BRSK2: variants seen among roughly 807,000 people sequenced by gnomAD.
BRSK2 encodes BR serine/threonine kinase 2.
Under a neutral mutation model 83.3 loss-of-function variants are expected in BRSK2, and 19 were observed. That is an observed-to-expected ratio of 0.23 (90% CI 0.16 to 0.33). BRSK2 has a LOEUF of 0.33. Ranked by LOEUF, BRSK2 falls within the 10% of genes least tolerant of loss-of-function variation. The pLI, the probability that BRSK2 is intolerant of heterozygous loss-of-function variation, is 1.00. For synonymous variants in BRSK2, 519 were observed against 435.4 expected, an observed-to-expected ratio of 1.19 and a Z score of -2.39; for missense variants, 798 against 1,042.3, an observed-to-expected ratio of 0.77 and a Z score of 3.23.
chr11:1,460,376 G>T, intron 19 of BRSK2, 124 bp from the exon 20 acceptor site: 1 of 1,096,882 alleles, frequency 9.1e-7, no homozygotes, highest in Non-Finnish European at 1.2e-6. Flanking sequence ...CCCTCGTCGA[G>T]GCCTCTTCGT....
chr11:1,392,062 C>T (rs965300147), intron 1 of BRSK2, among the ~76,000 whole-genome samples: 7 of 152,298 alleles, frequency 4.6e-5, no homozygotes, highest in African/African-American at 9.6e-5. Context: ...CGAGTTATGA[C>T]GGGCAGAGCG....
chr11:1,451,347 CTCCTGTTCA>C lies in BRSK2; in HGVS notation c.1496-17_1496-9del, dbSNP rs768054284. On this transcript the variant is annotated splice_polypyrimidine_tract_variant and intron_variant, in intron 14 of 19. Transcript: ENST00000528841. The stretch of plus-strand genomic sequence containing the variant: ...GGATGGAGCGGTCACCACGCCTTTC[CTCCTGTTCA>C]TCCTGTGTGCACAGTTCCGACGCCG... 6.2e-7 allele frequency: 1 copy of C among 1,612,808 alleles called. No homozygotes were observed. The highest frequency in any genetic ancestry group is 8.5e-7 in the Non-Finnish European group (1 of 1,179,792).
intron 8 of BRSK2, among the ~76,000 whole-genome samples, chr11:1,444,319 G>A (rs913935106): frequency 3.9e-5 from 6 of 152,130 alleles, no homozygotes; most frequent in Non-Finnish European, 8.8e-5. Flanking sequence ...TGTGGGGACC[G>A]CACGTGTCCA....
intron 1 of BRSK2, among the ~76,000 whole-genome samples, chr11:1,424,008 G>A (rs1395268371): frequency 6.6e-6 from 1 of 152,152 alleles, no homozygotes; most frequent in Non-Finnish European, 1.5e-5. Flanking sequence ...CCAAATCTGG[G>A]GCTATGTTAT....
At chr11:1,391,356 G>A (rs1303609291) in intron 1 of BRSK2, among the ~76,000 whole-genome samples, 1 of 152,230 alleles carries the variant, frequency 6.6e-6, no homozygotes, top group Non-Finnish European at 1.5e-5. Context: ...GGGCAGGGGT[G>A]GAGGGAAGGA....
chr11:1,454,429 G>A lies in BRSK2; in HGVS notation c.1545-56G>A. The A allele has an allele frequency of 1.3e-6, 2 of 1,599,980 alleles. No homozygotes were observed. Among genetic ancestry groups the A allele is most frequent in the Non-Finnish European group, 1.7e-6 (2 of 1,171,078 alleles). On this transcript the variant is annotated intron_variant, in intron 15 of 19. Coordinates refer to ENST00000528841, the MANE Select transcript of BRSK2 (RefSeq NM_001256627.2). This position sits in a 1 kb window ranked among gnomAD's most constrained non-coding sequence, Gnocchi z 5.2. ...TCCAACCCCAGATTCGAGGGAGGCA[G>A]GGGTGTGGACGGTGCCACACCTCAA...
chr11:1,429,119 G>A (rs1228123562), intron 1 of BRSK2, among the ~76,000 whole-genome samples: 1 of 147,364 alleles, frequency 6.8e-6, no homozygotes, highest in African/African-American at 2.5e-5. Flanking sequence ...GTGTGTGGGT[G>A]TGTGCACTGG....
At chr11:1,442,683 C>T (rs1434550824) in intron 5 of BRSK2, 77 bp downstream of exon 5, 7 of 1,247,314 alleles carry the variant, frequency 5.6e-6, no homozygotes, top group African/African-American at 1.5e-5. Context: ...GACTGAGAGG[C>T]CCCCAGCCTG....
intron 1 of BRSK2, among the ~76,000 whole-genome samples, chr11:1,395,574 C>T (rs73407492): frequency 2.1e-3 from 316 of 152,260 alleles, no homozygotes; most frequent in Admixed American, 3.6e-3. Flanking sequence ...TCGTTGGAGG[C>T]GGGAGCCCTA....
Position 1,456,672 on chromosome 11 carries a change from G to T in BRSK2, c.1924G>T (p.Ala642Ser). The change falls in exon 18 of 20, where the codon GCC becomes TCC. Residue 642 changes from alanine (A) to serine (S), a missense_variant. Ala to Ser is a moderately conservative substitution (Grantham distance 99). Around this residue, in one of 6 missense-constraint regions of BRSK2, gnomAD observed 455 missense variants for 455.2 expected, o/e 1.00. Coordinates refer to ENST00000528841, the MANE Select transcript of BRSK2 (RefSeq NM_001256627.2). ...GCTGAGCACACACGACCCGCCTGCG[G>T]CCCAGCACTTGTCAGGTGAGGCGGG... ...QLLSTHDPPA[A>S]QHLSDTTNCM... The T allele has an allele frequency of 1.9e-6, 3 of 1,606,228 alleles. No homozygotes were observed. The highest frequency in any genetic ancestry group is 2.5e-6 in the Non-Finnish European group (3 of 1,177,404).
intron 13 of BRSK2, among the ~76,000 whole-genome samples, chr11:1,450,336 T>C (rs1373521055): frequency 1.3e-5 from 2 of 151,550 alleles, no homozygotes; most frequent in Non-Finnish European, 2.9e-5. Flanking sequence ...CCTGGACACG[T>C]CCTCCCTCTG....
intron 16 of BRSK2, among the ~76,000 whole-genome samples, chr11:1,455,366 T>A (rs190274897): frequency 2.2e-5 from 3 of 138,648 alleles, no homozygotes; most frequent in African/African-American, 8.0e-5. Flanking sequence ...TCCTGCCCTG[T>A]GCTCACCACT....
In BRSK2 at chr11:1,461,763, G is replaced by C. The variant is rs956873451; in HGVS notation, c.*1040G>C. ...AAACTTTTTTTTCTTGGTGGTTTTT[G>C]GAAAAGGGTGTGGGGGTGGGGGCGC... On this transcript the variant is annotated 3_prime_UTR_variant, in exon 20 of 20. Transcript: ENST00000528841. 3.3e-5 allele frequency: 5 copies of C among 151,884 alleles called. No homozygotes were observed. The highest frequency in any genetic ancestry group is 1.2e-4 in the African/African-American group (5 of 41,320). The allele number at this position is 151,884 out of a possible 1,614,324, so 9.4% of individuals were successfully genotyped here. A position where few individuals can be genotyped will look rare whatever the true frequency, so the allele number is the denominator to read the frequency against.
Position 1,423,384 on chromosome 11 carries a change from C to G in BRSK2, c.92-12656C>G, listed in dbSNP as rs1389640281. 6.6e-6 allele frequency among the ~76,000 whole-genome samples: 1 copy of G among 152,140 alleles called. No individual in the cohort carries two copies. Among genetic ancestry groups the G allele is most frequent in the African/African-American group, 2.4e-5 (1 of 41,434 alleles). On this transcript the variant is annotated intron_variant, in intron 1 of 19. Transcript: ENST00000528841. This position sits in a 1 kb window ranked among gnomAD's most constrained non-coding sequence, Gnocchi z 6.5. ...AGGAGCCGAGGCCTCTGGCCAGGTT[C>G]AGGCACGTGGAGAGTGTGTGTGGGG...
At chr11:1,393,293 C>A (rs915589299) in intron 1 of BRSK2, among the ~76,000 whole-genome samples, 2 of 152,142 alleles carry the variant, frequency 1.3e-5, no homozygotes, top group Non-Finnish European at 2.9e-5. Flanking sequence ...AGGGCACCTT[C>A]TTGCCCAAAC....
intron 1 of BRSK2, among the ~76,000 whole-genome samples, chr11:1,405,929 G>T (rs116721486): frequency 6.6e-6 from 1 of 151,816 alleles, no homozygotes; most frequent in African/African-American, 2.4e-5. Context: ...CACGTCAGAC[G>T]CTGGTCTGCA....
chr11:1,451,526 GC>G, intron 15 of BRSK2, 107 bp downstream of exon 15: 1 of 1,190,168 alleles, frequency 8.4e-7, no homozygotes, highest in Non-Finnish European at 1.2e-6. Context: ...TCTCCACGTG[GC>G]CCCACCTCCC....
At chr11:1,440,997 C>G (rs1324881102) in intron 4 of BRSK2, 69 bp downstream of exon 4, 1 of 1,401,512 alleles carries the variant, frequency 7.1e-7, no homozygotes, top group Non-Finnish European at 9.8e-7. Flanking sequence ...CCACAGATGC[C>G]CCCTGTGCCC....
intron 8 of BRSK2, among the ~76,000 whole-genome samples, chr11:1,443,897 T>A (rs997357219): frequency 6.6e-6 from 1 of 152,030 alleles, no homozygotes; most frequent in Non-Finnish European, 1.5e-5. Context: ...CCCAGGCGTG[T>A]GTGGGCTCGT....
Sources: gnomAD v4.1 joint callset for allele counts (sites outside exome capture counted in the v4.1 genomes callset) on GRCh38, gnomAD v4.1.1 for gene constraint, gnomAD v4.1.1 regional missense constraint, Gnocchi (gnomAD v3.1) non-coding constraint, MANE v1.5 for transcripts, NCBI Gene and HGNC (gene_info 2026-07-23, HGNC 2026-07-21) for gene names.